Variants in S100A11 observed in about 807,000 individuals in gnomAD.
The protein encoded by S100A11 is protein S100-A11.
S100A11 carries 5 observed loss-of-function variants against 7.4 expected under a neutral mutation model. The observed-to-expected ratio is 0.68, with a 90% CI of 0.35 to 1.42. The LOEUF (loss-of-function observed/expected upper bound fraction) is 1.42, where lower values mean the gene tolerates loss of function less well. S100A11 is among the 40% of genes most tolerant of loss of function. The pLI, the probability that S100A11 is intolerant of heterozygous loss-of-function variation, is 0.04. For missense variants in S100A11, 96 were observed against 125.0 expected (o/e 0.77, Z 1.11); for synonymous variants, 47 against 46.6 (o/e 1.01, Z -0.04).
rs1383398251 is a variant in S100A11, at chr1:152,036,315, AAGG to A, written c.3+595_3+597del. Among the ~76,000 whole-genome samples the A allele has an allele frequency of 1.4e-4, 21 of 152,282 alleles. No homozygotes were observed. The East Asian group carries it at 3.9e-3, about 28-fold the overall frequency. ...TAGATGGTGGGGTAAAAGGAAGAGGAAGGAGGAGAGGGCTCAGCTGGGACCGGG... is the reference window on the plus strand; with the variant it reads ...TAGATGGTGGGGTAAAAGGAAGAGGAAGGAGAGGGCTCAGCTGGGACCGGG... On this transcript the variant is annotated intron_variant, in intron 1 of 2. Transcript: ENST00000271638.
chr1:152,032,904 A>C (rs1193596931), intron 2 of S100A11, 81 bp from the exon 3 acceptor site: 1 of 1,063,786 alleles, frequency 9.4e-7, no homozygotes, highest in Non-Finnish European at 1.4e-6. Context: ...TTATTCTCAC[A>C]GGAGTATAAG....
chr1:152,033,581 C>T lies in S100A11; in HGVS notation c.156+67G>A, dbSNP rs1656778644. 1 of 1,477,268 alleles carries T rather than the reference C, an allele frequency of 6.8e-7. No homozygotes were observed. The highest frequency in any genetic ancestry group is 2.3e-5 in the East Asian group (1 of 43,904). 91.5% of individuals were successfully genotyped at this position (1,477,268 alleles called of 1,614,324 possible). A position where few individuals can be genotyped will look rare whatever the true frequency, so the allele number is the denominator to read the frequency against. ...CAGTTGCTGCTCCTTCATTCCTGGC[C>T]ATTCTGCCAGGGTCTTGTTTCATGT... On this transcript the variant is annotated intron_variant, in intron 2 of 2. Transcript: ENST00000271638. The surrounding 1 kb of genome is among the most constrained non-coding windows in gnomAD (Gnocchi z 4.0).
rs150343827 is a variant in S100A11 at position 152,033,750 on chromosome 1, A to C, written c.54T>G (p.Ile18Met). ...TTCCAGCATACTTCTGGAAGACAGC[A>C]ATCAGGGACTCGATGCACCGCTCAG... ...TETERCIESL[I>M]AVFQKYAGKD... The change falls in exon 2 of 3, where the codon ATT (isoleucine) becomes ATG (methionine). Residue 18 changes from isoleucine (I) to methionine (M), a missense_variant. Transcript: ENST00000271638. The surrounding 1 kb of genome is among the most constrained non-coding windows in gnomAD (Gnocchi z 4.0). 3 of 1,613,742 alleles carry C rather than the reference A, an allele frequency of 1.9e-6. No individual in the cohort carries two copies. The highest frequency in any genetic ancestry group is 1.3e-5 in the African/African-American group (1 of 74,914).
At chr1:152,034,685 G>A (rs1469025745) in intron 1 of S100A11, among the ~76,000 whole-genome samples, 2 of 152,198 alleles carry the variant, frequency 1.3e-5, no homozygotes, top group African/African-American at 4.8e-5. Context: ...TCCCCAAGGG[G>A]ACTTAGGGTC....
In S100A11 at chr1:152,036,942, C is replaced by G; in HGVS notation, c.-27G>C. On this transcript the variant is annotated 5_prime_UTR_variant, in exon 1 of 3. Coordinates refer to ENST00000271638, the MANE Select transcript of S100A11 (RefSeq NM_005620.2). ...TTGGAGCTGAGCGAGGCGCGGGAGG[C>G]TGTGGCTGGGAGCGGCGCTGAGAGC... The G allele has an allele frequency of 6.2e-7, 1 of 1,613,442 alleles. No homozygotes were observed. The highest frequency in any genetic ancestry group is 8.5e-7 in the Non-Finnish European group (1 of 1,179,742).
intron 1 of S100A11, among the ~76,000 whole-genome samples, chr1:152,034,608 C>A (rs1398517002): frequency 6.6e-6 from 1 of 152,228 alleles, no homozygotes; most frequent in African/African-American, 2.4e-5. Context: ...AGATTTAAAT[C>A]CTGTACTGGG....
Position 152,032,552 on chromosome 1 carries a change from G to C in S100A11, c.*110C>G, listed in dbSNP as rs1225612415. ...ATTGCTTTATTACTATTGGCAGGTG[G>C]GGCCTGCATGAGGTGGTTAGTGTGC... On this transcript the variant is annotated 3_prime_UTR_variant, in exon 3 of 3. Coordinates refer to ENST00000271638, the MANE Select transcript of S100A11 (RefSeq NM_005620.2). 3 of 851,966 alleles carry C rather than the reference G, an allele frequency of 3.5e-6. No individual in the cohort carries two copies. Among genetic ancestry groups the C allele is most frequent in the Non-Finnish European group, 5.4e-6 (3 of 553,290 alleles). The allele number at this position is 851,966 out of a possible 1,614,324, so 52.8% of individuals were successfully genotyped here. A position where few individuals can be genotyped will look rare whatever the true frequency, so the allele number is the denominator to read the frequency against.
At chr1:152,034,993 T>A (rs1313009015) in intron 1 of S100A11, among the ~76,000 whole-genome samples, 5 of 152,318 alleles carry the variant, frequency 3.3e-5, no homozygotes, top group African/African-American at 1.2e-4. Flanking sequence ...TGTACAGCCT[T>A]TATGCTGCAG....
At chr1:152,036,849 G>A in intron 1 of S100A11, 64 bp downstream of exon 1, 2 of 1,406,218 alleles carry the variant, frequency 1.4e-6, no homozygotes, top group Non-Finnish European at 2.0e-6. Context: ...TGGGAAGTAT[G>A]TGGGTTTTTT....
In S100A11 at chr1:152,036,920, G is replaced by T; in HGVS notation, c.-5C>A. On this transcript the variant is annotated 5_prime_UTR_variant, in exon 1 of 3. Transcript: ENST00000271638. ...AAGAAAAGTGAGGCTTACCATGTTG[G>T]AGCTGAGCGAGGCGCGGGAGGCTGT... The T allele has an allele frequency of 6.2e-7, 1 of 1,613,320 alleles. No homozygotes were observed. Among genetic ancestry groups the T allele is most frequent in the Non-Finnish European group, 8.5e-7 (1 of 1,179,494 alleles).
intron 1 of S100A11, among the ~76,000 whole-genome samples, chr1:152,036,334 T>C (rs1338698191): frequency 6.6e-6 from 1 of 152,184 alleles, no homozygotes; most frequent in Non-Finnish European, 1.5e-5. Context: ...AGGGCTCAGC[T>C]GGGACCGGGT....
At chr1:152,036,856 TTTTTTCTTTTC>T (rs1181469392) in intron 1 of S100A11, 46 bp downstream of exon 1, 3 of 1,503,336 alleles carry the variant, frequency 2.0e-6, no homozygotes, top group East Asian at 4.5e-5. Flanking sequence ...TATGTGGGTT[TTTTTTCTTTTC>T]TTTTTCTTTT....
Position 152,036,966 on chromosome 1 carries a change from G to GGA in S100A11, c.-52_-51insTC. On this transcript the variant is annotated 5_prime_UTR_variant, in exon 1 of 3. Coordinates refer to ENST00000271638, the MANE Select transcript of S100A11 (RefSeq NM_005620.2). ...GCTGTGGCTGGGAGCGGCGCTGAGA[G>GGA]CTCTGTGCGCGCGGCGTGCGGGTCT... is the stretch of plus-strand genomic sequence containing the variant. 6.2e-7 allele frequency: 1 copy of GGA among 1,611,446 alleles called. No homozygotes were observed. The highest frequency in any genetic ancestry group is 8.5e-7 in the Non-Finnish European group (1 of 1,179,040).
At chr1:152,036,543 A>G (rs1656832608) in intron 1 of S100A11, among the ~76,000 whole-genome samples, 1 of 152,050 alleles carries the variant, frequency 6.6e-6, no homozygotes, top group South Asian at 2.1e-4. Context: ...CCTGCCTTAA[A>G]CTTGCTCCTA....
intron 1 of S100A11, among the ~76,000 whole-genome samples, chr1:152,035,187 A>G (rs1469478721): frequency 6.6e-6 from 1 of 152,232 alleles, no homozygotes; most frequent in Non-Finnish European, 1.5e-5. Context: ...GGAGAAACAA[A>G]ATACCACAGC....
chr1:152,032,635 G>A lies in S100A11; in HGVS notation c.*27C>T. 5 of 1,589,570 alleles carry A rather than the reference G, an allele frequency of 3.1e-6. No homozygotes were observed. Among genetic ancestry groups the A allele is most frequent in the Non-Finnish European group, 4.3e-6 (5 of 1,161,302 alleles). On this transcript the variant is annotated 3_prime_UTR_variant, in exon 3 of 3. Coordinates refer to ENST00000271638, the MANE Select transcript of S100A11 (RefSeq NM_005620.2). ...AGAAAGGCTGGAAGGAAAGGGGGTGGGTTTGAAGGCCAGGGCCAAGGGGTC... is the reference window on the plus strand; with the variant it reads ...AGAAAGGCTGGAAGGAAAGGGGGTGAGTTTGAAGGCCAGGGCCAAGGGGTC...
In S100A11 at chr1:152,033,829, G is replaced by C; in HGVS notation, c.4-29C>G. The C allele has an allele frequency of 1.2e-6, 2 of 1,606,392 alleles. No homozygotes were observed. The highest frequency in any genetic ancestry group is 1.7e-4 in the Middle Eastern group (1 of 6,046). ...TGGAGAAAAAAAATTGCAGGGCTCA[G>C]ACAAGGGAAGATGTCAAGGCTGGAT... On this transcript the variant is annotated intron_variant, in intron 1 of 2. Transcript: ENST00000271638. The surrounding 1 kb of genome is among the most constrained non-coding windows in gnomAD (Gnocchi z 4.0).
chr1:152,034,740 G>A (rs1328338371), intron 1 of S100A11, among the ~76,000 whole-genome samples: 1 of 152,196 alleles, frequency 6.6e-6, no homozygotes, highest in African/African-American at 2.4e-5. Flanking sequence ...GGTAGAAGCC[G>A]CAATTACAGA....
At chr1:152,034,024 T>A (rs1656788704) in intron 1 of S100A11, among the ~76,000 whole-genome samples, 1 of 152,234 alleles carries the variant, frequency 6.6e-6, no homozygotes, top group African/African-American at 2.4e-5. Context: ...ATATGGAAGG[T>A]AAATGTGGAG....
Sources: gnomAD v4.1 joint callset for allele counts (sites outside exome capture counted in the v4.1 genomes callset) on GRCh38, gnomAD v4.1.1 for gene constraint, Gnocchi (gnomAD v3.1) non-coding constraint, MANE v1.5 for transcripts, NCBI Gene and HGNC (gene_info 2026-07-23, HGNC 2026-07-21) for gene names.